Variants in NSL1 observed in about 807,000 individuals in gnomAD.
NSL1 encodes NSL1 component of MIS12 kinetochore complex.
In NSL1, 11 loss-of-function variants were observed where a neutral mutation model predicts 25.4. The observed-to-expected ratio is 0.43, with a 90% CI of 0.27 to 0.72. The LOEUF (loss-of-function observed/expected upper bound fraction) is 0.72. NSL1 is among the 30% of genes least tolerant of loss of function. NSL1 has a pLI of 0.19. For missense variants in NSL1, 330 were observed against 342.7 expected, an observed-to-expected ratio of 0.96 and a Z score of 0.29; for synonymous variants, 118 against 120.6, an observed-to-expected ratio of 0.98 and a Z score of 0.14.
At chr1:212,771,623 A>C (rs1558056678) in intron 4 of NSL1, among the ~76,000 whole-genome samples, 1 of 151,446 alleles carries the variant, frequency 6.6e-6, no homozygotes, top group Admixed American at 6.6e-5. Context: ...AAAAAAAAAA[A>C]AAAAAAAAAC....
chr1:212,764,105 T>C, intron 4 of NSL1: 3 of 322,778 alleles, frequency 9.3e-6, no homozygotes, highest in South Asian at 7.6e-5. Context: ...GGAATAAAGC[T>C]GGAAATCAAC....
At chr1:212,788,731 A>G (rs974600689) in intron 1 of NSL1, among the ~76,000 whole-genome samples, 2 of 152,244 alleles carry the variant, frequency 1.3e-5, no homozygotes, top group African/African-American at 4.8e-5. Context: ...TGAAATTTTT[A>G]AAATTGTGGG....
Position 212,736,384 on chromosome 1 carries a change from A to G in NSL1, c.*2024T>C, listed in dbSNP as rs1658232779. On this transcript the variant is annotated 3_prime_UTR_variant, in exon 6 of 6. Coordinates refer to ENST00000366977, the MANE Select transcript of NSL1 (RefSeq NM_015471.4). The stretch of plus-strand genomic sequence containing the variant: ...TCAATCCAGACTCTTTTTATCATAG[A>G]GCAAGATTTGATTTTCAATTTTTTC... The G allele has an allele frequency of 1.0e-6, 1 of 985,138 alleles. No homozygotes were observed. The highest frequency in any genetic ancestry group is 4.7e-5 in the South Asian group (1 of 21,290). 61.0% of individuals were successfully genotyped at this position (985,138 alleles called of 1,614,324 possible).
intron 4 of NSL1, among the ~76,000 whole-genome samples, chr1:212,776,171 C>T (rs1282410621): frequency 6.6e-6 from 1 of 152,092 alleles, no homozygotes; most frequent in African/African-American, 2.4e-5. Context: ...CAAGACCAGC[C>T]TGACCAACAT....
intron 2 of NSL1, among the ~76,000 whole-genome samples, chr1:212,786,039 CTTCT>C (rs1305183486): frequency 6.7e-6 from 1 of 150,256 alleles, no homozygotes; most frequent in African/African-American, 2.5e-5. Flanking sequence ...TCTTTCCTTC[CTTCT>C]TTCTTTCCCT....
At position 212,771,164 on chromosome 1, in the gene NSL1, A is replaced by C. The variant is rs578034391; in HGVS notation, c.499+11208T>G. Among the ~76,000 whole-genome samples the C allele has an allele frequency of 3.3e-5, 5 of 152,236 alleles. No individual in the cohort carries two copies. In the East Asian group the frequency reaches 9.7e-4, roughly 29 times the overall value. On this transcript the variant is annotated intron_variant, in intron 4 of 5. Coordinates refer to ENST00000366977, the MANE Select transcript of NSL1 (RefSeq NM_015471.4). ...CCCCATCTCTACTAAAAATACAAAAATTAGCCAGGCGTGGTGGCGCATGCC... is the reference window on the plus strand; with the variant it reads ...CCCCATCTCTACTAAAAATACAAAACTTAGCCAGGCGTGGTGGCGCATGCC...
At chr1:212,780,323 ATCAC>A (rs1339610159) in intron 4 of NSL1, among the ~76,000 whole-genome samples, 3 of 151,944 alleles carry the variant, frequency 2.0e-5, no homozygotes, top group Non-Finnish European at 2.9e-5. Context: ...GTTGAGAGTC[ATCAC>A]CACTCCCTAA....
In NSL1 at chr1:212,734,105, T is replaced by C. The variant is rs1434061518; in HGVS notation, c.*4303A>G. ...TTCTTATTTACTGAACATTATTTAA[T>C]AGCATTCCGATTTTCCAAAAAATGT... On this transcript the variant is annotated 3_prime_UTR_variant, in exon 6 of 6. Transcript: ENST00000366977. 6.6e-6 allele frequency among the ~76,000 whole-genome samples: 1 copy of C among 152,258 alleles called. No homozygotes were observed. Among genetic ancestry groups the C allele is most frequent in the African/African-American group, 2.4e-5 (1 of 41,486 alleles).
At chr1:212,780,693 C>G (rs1444802728) in intron 4 of NSL1, among the ~76,000 whole-genome samples, 1 of 152,048 alleles carries the variant, frequency 6.6e-6, no homozygotes, top group Non-Finnish European at 1.5e-5. Flanking sequence ...TAATCAGTTT[C>G]ATATGATTCT....
chr1:212,749,339 G>GGTTTTT (rs1658954005), intron 4 of NSL1, among the ~76,000 whole-genome samples: 1 of 76,952 alleles, frequency 1.3e-5, no homozygotes, highest in Non-Finnish European at 2.5e-5. Flanking sequence ...GTTTTATTGT[G>GGTTTTT]TTTTTTTTTT....
intron 4 of NSL1, among the ~76,000 whole-genome samples, chr1:212,759,732 T>A (rs954330294): frequency 6.6e-6 from 1 of 152,040 alleles, no homozygotes; most frequent in African/African-American, 2.4e-5. Flanking sequence ...TGCATCCACC[T>A]GGAGAGCTGC....
rs1337276374 is a variant in NSL1 at position 212,728,168 on chromosome 1, A to C, written c.*10240T>G. ...AGGATTAAAAGAGATGGTGCATGTGAAGCTTTTAGCATGATCATGGCATGT... is the reference window on the plus strand; with the variant it reads ...AGGATTAAAAGAGATGGTGCATGTGCAGCTTTTAGCATGATCATGGCATGT... On this transcript the variant is annotated 3_prime_UTR_variant, in exon 6 of 6. Coordinates refer to ENST00000366977, the MANE Select transcript of NSL1 (RefSeq NM_015471.4). 2.1e-6 allele frequency: 2 copies of C among 935,422 alleles called. No homozygotes were observed. Among genetic ancestry groups the C allele is most frequent in the African/African-American group, 3.6e-5 (2 of 56,112 alleles). 57.9% of individuals were successfully genotyped at this position (935,422 alleles called of 1,614,324 possible).
intron 4 of NSL1, among the ~76,000 whole-genome samples, chr1:212,774,324 T>C (rs1417389263): frequency 1.3e-5 from 2 of 152,184 alleles, no homozygotes; most frequent in East Asian, 3.8e-4. Flanking sequence ...CATTACACAT[T>C]GTATATATGT....
At position 212,748,512 on chromosome 1, in the gene NSL1, T is replaced by C. The variant is rs540903468; in HGVS notation, c.500-8911A>G. Among the ~76,000 whole-genome samples, 14 of 152,304 alleles carry C rather than the reference T, an allele frequency of 9.2e-5. No homozygotes were observed. The South Asian group carries it at 2.9e-3, about 32-fold the overall frequency. On this transcript the variant is annotated intron_variant, in intron 4 of 5. Coordinates refer to ENST00000366977, the MANE Select transcript of NSL1 (RefSeq NM_015471.4). ...AATTGTCTGTAGACACACAATGGAA[T>C]ACTACACAACAATAACAAAGAACTT... is the stretch of plus-strand genomic sequence containing the variant.
At chr1:212,775,943 T>C (rs1392094177) in intron 4 of NSL1, among the ~76,000 whole-genome samples, 1 of 151,970 alleles carries the variant, frequency 6.6e-6, no homozygotes, top group East Asian at 1.9e-4. Flanking sequence ...TTCTTCTGCC[T>C]CAGCCTCCCA....
intron 4 of NSL1, among the ~76,000 whole-genome samples, chr1:212,749,387 C>T (rs1658961617): frequency 7.4e-6 from 1 of 134,362 alleles, no homozygotes; most frequent in Non-Finnish European, 1.5e-5. Context: ...ATCTGTCACC[C>T]AGGCTGGAGT....
At position 212,728,639 on chromosome 1, in the gene NSL1, T is replaced by C. The variant is rs775869783; in HGVS notation, c.*9769A>G. 4.1e-6 allele frequency: 4 copies of C among 985,468 alleles called. No individual in the cohort carries two copies. Among genetic ancestry groups the C allele is most frequent in the Non-Finnish European group, 4.8e-6 (4 of 829,930 alleles). The allele number at this position is 985,468 out of a possible 1,614,324, so 61.0% of individuals were successfully genotyped here. The stretch of plus-strand genomic sequence containing the variant: ...TGAGAATTCTGAGGCTCTGATCTGA[T>C]GAGTGAAGGGAACCACAGGCTTATC... On this transcript the variant is annotated 3_prime_UTR_variant, in exon 6 of 6. Coordinates refer to ENST00000366977, the MANE Select transcript of NSL1 (RefSeq NM_015471.4).
At position 212,729,034 on chromosome 1, in the gene NSL1, T is replaced by C. The variant is rs1226975602; in HGVS notation, c.*9374A>G. On this transcript the variant is annotated 3_prime_UTR_variant, in exon 6 of 6. Transcript: ENST00000366977. ...TCATTTGTCAATCTGAAATTTTTTT[T>C]AAAGGAAGAATACTTGGGTTGGGCT... 1.0e-6 allele frequency: 1 copy of C among 985,296 alleles called. No individual in the cohort carries two copies. The highest frequency in any genetic ancestry group is 1.7e-5 in the African/African-American group (1 of 57,228). 61.0% of individuals were successfully genotyped at this position (985,296 alleles called of 1,614,324 possible).
At chr1:212,779,781 TGG>T (rs1256873320) in intron 4 of NSL1, among the ~76,000 whole-genome samples, 4 of 80,812 alleles carry the variant, frequency 4.9e-5, no homozygotes, top group African/African-American at 2.0e-4. Flanking sequence ...GGGAGGGAGG[TGG>T]GGGGGTCAGC....
Sources: allele counts gnomAD v4.1 joint callset (sites outside exome capture counted in the v4.1 genomes callset), GRCh38; gene constraint gnomAD v4.1.1; transcripts MANE v1.5; gene names NCBI Gene and HGNC (gene_info 2026-07-23, HGNC 2026-07-21).